The following WWC2 variants were observed in gnomAD, a reference collection of about 807,000 sequenced individuals.
WWC2 encodes protein WWC2.
WWC2 carries 101 observed loss-of-function variants against 138.5 expected under a neutral mutation model. The observed-to-expected ratio is 0.73, with a 90% CI of 0.62 to 0.86. The LOEUF is 0.86. WWC2 is among the 40% of genes least tolerant of loss of function. The pLI is 0.00. For synonymous variants in WWC2, 558 were observed against 538.4 expected, an observed-to-expected ratio of 1.04 and a Z score of -0.50; for missense variants, 1,420 against 1,419.4, an observed-to-expected ratio of 1.00 and a Z score of -0.01.
At chr4:183,134,948 A>G (rs62336596) in intron 1 of WWC2, among the ~76,000 whole-genome samples, 2 of 148,502 alleles carry the variant, frequency 1.3e-5, no homozygotes, top group African/African-American at 5.1e-5. Flanking sequence ...TTTTTTTTAA[A>G]TTCGAGAGAG....
At chr4:183,253,081 A>G (rs112219404) in intron 8 of WWC2, among the ~76,000 whole-genome samples, 5,239 of 152,130 alleles carry the variant, frequency 0.034, 300 homozygotes, top group African/African-American at 0.12. Context: ...GGGTCTCGCT[A>G]TGTTGCCCAG....
intron 16 of WWC2, among the ~76,000 whole-genome samples, chr4:183,279,457 C>T (rs1321150244): frequency 6.6e-6 from 1 of 152,026 alleles, no homozygotes; most frequent in Non-Finnish European, 1.5e-5. Context: ...TGTGTCTCTG[C>T]CTGGCTTTGG....
intron 6 of WWC2, among the ~76,000 whole-genome samples, chr4:183,247,529 T>TAC (rs1736816935): frequency 7.0e-6 from 1 of 142,270 alleles, no homozygotes; most frequent in Admixed American, 7.4e-5. Context: ...ACTATATATA[T>TAC]ACTATATATA....
intron 1 of WWC2, among the ~76,000 whole-genome samples, chr4:183,164,352 AT>A: frequency 5.3e-3 from 1 of 188 alleles, no homozygotes; most frequent in African/African-American, 0.011. Flanking sequence ...TATATATTAT[AT>A]ATACATATAT....
chr4:183,123,455 C>A (rs943620953), intron 1 of WWC2, among the ~76,000 whole-genome samples: 1 of 149,394 alleles, frequency 6.7e-6, no homozygotes, highest in African/African-American at 2.5e-5. Context: ...AAATTTAAAA[C>A]CCCACAAAAC....
At chr4:183,247,520 C>CTA (rs987622863) in intron 6 of WWC2, among the ~76,000 whole-genome samples, 10 of 135,906 alleles carry the variant, frequency 7.4e-5, no homozygotes, top group South Asian at 2.2e-4. Flanking sequence ...ATACACTATA[C>CTA]TATATATATA....
At chr4:183,104,750 A>G (rs1371810083) in intron 1 of WWC2, among the ~76,000 whole-genome samples, 2 of 152,190 alleles carry the variant, frequency 1.3e-5, no homozygotes, top group African/African-American at 4.8e-5. Flanking sequence ...TCTTTTTAAC[A>G]CAGTTTGGTA....
At chr4:183,299,496 A>G (rs1738751396) in intron 21 of WWC2, among the ~76,000 whole-genome samples, 1 of 152,048 alleles carries the variant, frequency 6.6e-6, no homozygotes, top group African/African-American at 2.4e-5. Flanking sequence ...ATTTTTAACA[A>G]CTCTGTGGAT....
intron 16 of WWC2, among the ~76,000 whole-genome samples, chr4:183,273,379 A>G (rs1737755618): frequency 6.6e-6 from 1 of 152,140 alleles, no homozygotes; most frequent in African/African-American, 2.4e-5. Flanking sequence ...ATCTCGGCTA[A>G]CCACAACCTC....
At chr4:183,298,525 G>T (rs1738715286) in intron 21 of WWC2, among the ~76,000 whole-genome samples, 1 of 152,108 alleles carries the variant, frequency 6.6e-6, no homozygotes, top group Admixed American at 6.6e-5. Context: ...ATGCTGTTGT[G>T]GCTTCACTTT....
rs76194793 is a variant in WWC2 at position 183,251,726 on chromosome 4, G to A, written c.953+1733G>A. Reference sequence around the variant, plus strand: ...GGTTCTTTCCCACTTGGTTGCATTGGCGTGCCATTTGGGGTTTTGTTTTAA... The same window carrying A: ...GGTTCTTTCCCACTTGGTTGCATTGACGTGCCATTTGGGGTTTTGTTTTAA... On this transcript the variant is annotated intron_variant, in intron 8 of 22. Coordinates refer to ENST00000403733, the MANE Select transcript of WWC2 (RefSeq NM_024949.6). 5.5e-3 allele frequency among the ~76,000 whole-genome samples: 836 copies of A among 152,194 alleles called. 7 individuals carry two copies. Among genetic ancestry groups the A allele is most frequent in the African/African-American group, 0.02 (811 of 41,508 alleles).
chr4:183,299,310 G>A (rs11732052), intron 21 of WWC2, among the ~76,000 whole-genome samples: 53,929 of 151,908 alleles, frequency 0.36, 10,170 homozygotes, highest in Admixed American at 0.47. Context: ...TGAGTTTTGG[G>A]GGGAAAAACA....
rs183571404 is a variant in WWC2, at chr4:183,294,263, A to T, written c.3384+4628A>T. 4.5e-3 allele frequency among the ~76,000 whole-genome samples: 683 copies of T among 152,296 alleles called. 4 individuals carry two copies. The highest frequency in any genetic ancestry group is 0.016 in the African/African-American group (657 of 41,566). On this transcript the variant is annotated intron_variant, in intron 21 of 22. Transcript: ENST00000403733. Reference sequence around the variant, plus strand: ...TAAAATGTACCATAGAGTCAATGGAATTCCAAGCAGAATACCCACATGGTT... The same window carrying T: ...TAAAATGTACCATAGAGTCAATGGATTTCCAAGCAGAATACCCACATGGTT...
Position 183,113,168 on chromosome 4 carries a change from A to G in WWC2, c.131+13546A>G, listed in dbSNP as rs142156080. 5.3e-5 allele frequency among the ~76,000 whole-genome samples: 8 copies of G among 151,938 alleles called. No homozygotes were observed. The East Asian group carries it at 1.4e-3, about 26-fold the overall frequency. The stretch of plus-strand genomic sequence containing the variant: ...ATACTTGTAATCTCAGCTACTTGAG[A>G]GGTTGAGGCAGCAGAATCACTTGAA... On this transcript the variant is annotated intron_variant, in intron 1 of 22. Coordinates refer to ENST00000403733, the MANE Select transcript of WWC2 (RefSeq NM_024949.6).
intron 1 of WWC2, among the ~76,000 whole-genome samples, chr4:183,135,222 C>G (rs777214076): frequency 4.6e-5 from 7 of 152,062 alleles, no homozygotes; most frequent in Non-Finnish European, 1.0e-4. Flanking sequence ...CCTGGCTGAT[C>G]TTTATCTTTT....
At chr4:183,200,535 G>T (rs187275628) in intron 2 of WWC2, among the ~76,000 whole-genome samples, 16 of 152,134 alleles carry the variant, frequency 1.1e-4, no homozygotes, top group African/African-American at 2.9e-4. Context: ...ATCTAGGCAA[G>T]ACTTAGCTGG....
rs764473452 is a variant in WWC2 at position 183,284,263 on chromosome 4, A to G, written c.2921A>G (p.Asp974Gly). The change falls in exon 19 of 23, where the codon GAC (aspartate) becomes GGC (glycine). Residue 974 changes from aspartate (D) to glycine (G), a missense_variant. Transcript: ENST00000403733. Reference protein sequence around the residue: ...KETNTDEAANDNMAVRPKERS... With the variant: ...KETNTDEAANGNMAVRPKERS... Reference sequence around the variant, plus strand: ...ACAAACACTGATGAAGCCGCTAATGACAATATGGCAGTTCGCCCCAAAGAG... The same window carrying G: ...ACAAACACTGATGAAGCCGCTAATGGCAATATGGCAGTTCGCCCCAAAGAG... The G allele has an allele frequency of 1.2e-6, 2 of 1,614,004 alleles. No homozygotes were observed. Among genetic ancestry groups the G allele is most frequent in the South Asian group, 1.1e-5 (1 of 91,072 alleles).
chr4:183,155,071 G>T (rs1437256299), intron 1 of WWC2, among the ~76,000 whole-genome samples: 2 of 152,106 alleles, frequency 1.3e-5, no homozygotes, highest in Non-Finnish European at 2.9e-5. Context: ...GACATTGTGG[G>T]CACAAGTTAG....
At chr4:183,307,497 T>C (rs1228684115) in intron 21 of WWC2, among the ~76,000 whole-genome samples, 1 of 152,182 alleles carries the variant, frequency 6.6e-6, no homozygotes. Flanking sequence ...ACAAGGAAAC[T>C]ACAGCCCTAT....
Sources: allele counts gnomAD v4.1 joint callset (sites outside exome capture counted in the v4.1 genomes callset), GRCh38; gene constraint gnomAD v4.1.1; transcripts MANE v1.5; gene names NCBI Gene and HGNC (gene_info 2026-07-23, HGNC 2026-07-21).